TCF4: variants seen among roughly 807,000 people sequenced by gnomAD.
TCF4 encodes the protein transcription factor 4.
In TCF4, 3 loss-of-function variants were observed where a neutral mutation model predicts 82.1. The observed-to-expected ratio is 0.04, with a 90% CI of 0.02 to 0.09. The LOEUF (loss-of-function observed/expected upper bound fraction) is 0.09. Ranked by LOEUF, TCF4 falls within the 10% of genes least tolerant of loss-of-function variation. The pLI is 1.00. For synonymous variants in TCF4, 276 were observed against 309.6 expected, an observed-to-expected ratio of 0.89 and a Z score of 1.14; for missense variants, 518 against 852.7, an observed-to-expected ratio of 0.61 and a Z score of 4.89.
intron 5 of TCF4, among the ~76,000 whole-genome samples, chr18:55,410,863 T>A (rs530414280): frequency 6.6e-6 from 1 of 152,114 alleles, no homozygotes; most frequent in Admixed American, 6.6e-5. Context: ...TGAGTGAACA[T>A]CCTACAGTCC....
chr18:55,446,598 G>A (rs2095529324), intron 5 of TCF4, among the ~76,000 whole-genome samples: 1 of 152,124 alleles, frequency 6.6e-6, no homozygotes, highest in African/African-American at 2.4e-5. Context: ...AAATGGTAAT[G>A]ACAATGTCTA....
intron 3 of TCF4, among the ~76,000 whole-genome samples, chr18:55,494,182 A>ACACACACACACACAC (rs397962929): frequency 6.6e-6 from 1 of 151,718 alleles, no homozygotes; most frequent in African/African-American, 2.4e-5. Context: ...ACACACACAC[A>ACACACACACACACAC]GATTAGTCAG....
intron 4 of TCF4, among the ~76,000 whole-genome samples, chr18:55,463,406 A>T (rs1030871683): frequency 6.6e-6 from 1 of 152,200 alleles, no homozygotes; most frequent in African/African-American, 2.4e-5. Context: ...CCCAACTCTT[A>T]TTCCATGGTC....
At chr18:55,464,936 C>T (rs957153750) in intron 3 of TCF4, among the ~76,000 whole-genome samples, 5 of 152,184 alleles carry the variant, frequency 3.3e-5, no homozygotes, top group African/African-American at 9.7e-5. Context: ...GTTCCATCCA[C>T]GCTCCAAATG....
intron 11 of TCF4, 82 bp downstream of exon 11, chr18:55,269,749 T>C (rs1309313134): frequency 3.8e-6 from 6 of 1,570,226 alleles, no homozygotes; most frequent in Non-Finnish European, 4.4e-6. Flanking sequence ...TGCTATTCAG[T>C]TATGAAAGGG....
intron 3 of TCF4, among the ~76,000 whole-genome samples, chr18:55,516,194 TCTAA>T (rs1400571882): frequency 5.3e-5 from 8 of 152,262 alleles, no homozygotes; most frequent in African/African-American, 1.9e-4. Flanking sequence ...TTGTTTATTT[TCTAA>T]CTGTTACCTT....
chr18:55,580,842 C>A (rs957327065), intron 3 of TCF4, among the ~76,000 whole-genome samples: 1 of 151,044 alleles, frequency 6.6e-6, no homozygotes, highest in Non-Finnish European at 1.5e-5. Context: ...TTATTGGCTG[C>A]CTTAAGATCC....
At chr18:55,333,115 A>G (rs1369201962) in intron 8 of TCF4, among the ~76,000 whole-genome samples, 7 of 152,228 alleles carry the variant, frequency 4.6e-5, no homozygotes, top group Non-Finnish European at 1.0e-4. Flanking sequence ...AAAATAAGTT[A>G]TCATTCTGGA....
At chr18:55,456,420 G>A (rs2095755620) in intron 5 of TCF4, among the ~76,000 whole-genome samples, 1 of 152,186 alleles carries the variant, frequency 6.6e-6, no homozygotes, top group African/African-American at 2.4e-5. Flanking sequence ...TGGGCCATGT[G>A]AAAGCATAGC....
intron 14 of TCF4, among the ~76,000 whole-genome samples, chr18:55,256,133 A>G (rs1245484489): frequency 6.6e-6 from 1 of 152,192 alleles, no homozygotes; most frequent in Non-Finnish European, 1.5e-5. Context: ...TATGCAGGAA[A>G]AGAAATCATA....
chr18:55,521,951 G>A (rs188438244), intron 3 of TCF4, among the ~76,000 whole-genome samples: 2 of 152,092 alleles, frequency 1.3e-5, no homozygotes, highest in Admixed American at 6.6e-5. Context: ...ATGAACAGTC[G>A]GATGGAAACA....
At chr18:55,545,940 A>T (rs1210946518) in intron 3 of TCF4, among the ~76,000 whole-genome samples, 1 of 152,176 alleles carries the variant, frequency 6.6e-6, no homozygotes, top group African/African-American at 2.4e-5. Context: ...CCCATAACTT[A>T]AGAGTTTCAT....
chr18:55,391,062 G>A (rs1603439381), intron 6 of TCF4, among the ~76,000 whole-genome samples: 2 of 152,212 alleles, frequency 1.3e-5, no homozygotes, highest in Non-Finnish European at 2.9e-5. Flanking sequence ...GAGGGACGAT[G>A]TCATAGCAGT....
At chr18:55,267,575 A>T (rs1041609901) in intron 11 of TCF4, 1 of 152,154 alleles carries the variant, frequency 6.6e-6, no homozygotes, top group Admixed American at 6.6e-5. Context: ...TGGTGAACAT[A>T]TTATTTTAAA....
intron 2 of TCF4, among the ~76,000 whole-genome samples, chr18:55,612,802 C>A (rs934719072): frequency 6.6e-6 from 1 of 151,990 alleles, no homozygotes; most frequent in East Asian, 1.9e-4. Flanking sequence ...ACAAAAATTA[C>A]TTGGGCGTGG....
intron 8 of TCF4, among the ~76,000 whole-genome samples, chr18:55,309,197 C>T (rs1019044816): frequency 1.2e-4 from 19 of 152,088 alleles, no homozygotes; most frequent in Non-Finnish European, 2.4e-4. Flanking sequence ...GCTGCAGCCT[C>T]AGCTTCCTGG....
chr18:55,421,485 G>A (rs1391814269), intron 5 of TCF4, among the ~76,000 whole-genome samples: 5 of 152,100 alleles, frequency 3.3e-5, no homozygotes, highest in African/African-American at 1.2e-4. Flanking sequence ...CTTTATTTAT[G>A]CTGGGCTAGC....
At chr18:55,314,996 C>T (rs905140470) in intron 8 of TCF4, among the ~76,000 whole-genome samples, 4 of 152,094 alleles carry the variant, frequency 2.6e-5, no homozygotes, top group African/African-American at 9.7e-5. Flanking sequence ...TTCAGGACAG[C>T]TACAATGGAA....
chr18:55,614,483 G>A (rs997673917), intron 2 of TCF4, among the ~76,000 whole-genome samples: 1 of 152,184 alleles, frequency 6.6e-6, no homozygotes, highest in Non-Finnish European at 1.5e-5. Flanking sequence ...TAGGTGTGTA[G>A]TAGTGTTTCA....
Sources: gnomAD v4.1 joint callset for allele counts (sites outside exome capture counted in the v4.1 genomes callset) on GRCh38, gnomAD v4.1.1 for gene constraint, MANE v1.5 for transcripts, NCBI Gene and HGNC (gene_info 2026-07-23, HGNC 2026-07-21) for gene names.